GNG4: variants seen among roughly 807,000 people sequenced by gnomAD.
GNG4 encodes the protein guanine nucleotide-binding protein G(I)/G(S)/G(O) subunit gamma-4.
GNG4 carries 4 observed loss-of-function variants against 5.8 expected under a neutral mutation model. The ratio of observed to expected loss-of-function variants is 0.69; its 90% CI spans 0.34 to 1.57. The LOEUF (loss-of-function observed/expected upper bound fraction) is 1.57. Ranked by LOEUF, GNG4 falls within the 40% of genes most tolerant of loss-of-function variation. GNG4 has a pLI of 0.06. For synonymous variants in GNG4, 29 were observed against 32.9 expected, an observed-to-expected ratio of 0.88 and a Z score of 0.41; for missense variants, 96 against 95.1, an observed-to-expected ratio of 1.01 and a Z score of -0.04.
chr1:235,591,218 T>A (rs2841893), intron 2 of GNG4, among the ~76,000 whole-genome samples: 189 of 151,922 alleles, frequency 1.2e-3, no homozygotes, highest in Middle Eastern at 6.8e-3. Flanking sequence ...CCACTGCTCC[T>A]GGCTCATTAC....
chr1:235,619,311 C>A (rs1161387717), intron 1 of GNG4, among the ~76,000 whole-genome samples: 1 of 151,434 alleles, frequency 6.6e-6, no homozygotes, highest in Non-Finnish European at 1.5e-5. Flanking sequence ...GTGGGAGGAT[C>A]ACTTGATCCT....
Position 235,583,728 on chromosome 1 carries a change from A to G in GNG4, c.99+12T>C, listed in dbSNP as rs758970666. Reference sequence around the variant, plus strand: ...TTCGGGCGGAGGGTGGGGCTGACGCATGCATGCTTACCTTGACCCTGTCCA... The same window carrying G: ...TTCGGGCGGAGGGTGGGGCTGACGCGTGCATGCTTACCTTGACCCTGTCCA... On this transcript the variant is annotated intron_variant, in intron 3 of 3. Coordinates refer to ENST00000391854, the MANE Select transcript of GNG4 (RefSeq NM_001098722.2). 1.3e-6 allele frequency: 2 copies of G among 1,565,734 alleles called. No homozygotes were observed. Among genetic ancestry groups the G allele is most frequent in the Non-Finnish European group, 1.8e-6 (2 of 1,136,716 alleles).
In GNG4 at chr1:235,592,220, C is replaced by A. The variant is rs894877661; in HGVS notation, c.-11+3180G>T. Among the ~76,000 whole-genome samples, 11 of 152,222 alleles carry A rather than the reference C, an allele frequency of 7.2e-5. No individual in the cohort carries two copies. In the South Asian group the frequency reaches 2.1e-3, roughly 29 times the overall value. ...TGCTGCTTTTGGTTCTAAATTTCTT[C>A]CTGGGCCGGGTACAGTGACTCACAC... is the stretch of plus-strand genomic sequence containing the variant. On this transcript the variant is annotated intron_variant, in intron 2 of 3. Coordinates refer to ENST00000391854, the MANE Select transcript of GNG4 (RefSeq NM_001098722.2).
At chr1:235,604,229 G>A (rs1688311257) in intron 1 of GNG4, among the ~76,000 whole-genome samples, 1 of 152,224 alleles carries the variant, frequency 6.6e-6, no homozygotes, top group African/African-American at 2.4e-5. Flanking sequence ...TGTTTGTACA[G>A]TCTATAAACC....
intron 2 of GNG4, among the ~76,000 whole-genome samples, chr1:235,593,247 C>T (rs1276231754): frequency 6.6e-6 from 1 of 152,220 alleles, no homozygotes; most frequent in Admixed American, 6.5e-5. Context: ...TGCATCCGAC[C>T]ATGCTCTGTA....
chr1:235,581,551 C>A (rs891043668), intron 3 of GNG4, among the ~76,000 whole-genome samples: 10 of 151,920 alleles, frequency 6.6e-5, no homozygotes, highest in African/African-American at 2.2e-4. Flanking sequence ...ATCGCCTCCC[C>A]CTTCTCTCTC....
Position 235,551,429 on chromosome 1 carries a change from G to A in GNG4, c.*680C>T, listed in dbSNP as rs1160504248. The A allele has an allele frequency of 6.6e-6, 1 of 152,390 alleles. No individual in the cohort carries two copies. Among genetic ancestry groups the A allele is most frequent in the Non-Finnish European group, 1.5e-5 (1 of 68,206 alleles). 9.4% of individuals were successfully genotyped at this position (152,390 alleles called of 1,614,324 possible). A position where few individuals can be genotyped will look rare whatever the true frequency, so the allele number is the denominator to read the frequency against. On this transcript the variant is annotated 3_prime_UTR_variant, in exon 4 of 4. Coordinates refer to ENST00000391854, the MANE Select transcript of GNG4 (RefSeq NM_001098722.2). ...GTGGTGGCGCGTGCCTATGATCCCA[G>A]CTACTCAGGAGGCTGAGGCAGGAGA...
Position 235,616,468 on chromosome 1 carries a change from G to A in GNG4, c.-122-20957C>T, listed in dbSNP as rs114239880. 2.0e-3 allele frequency: 475 copies of A among 232,380 alleles called. 4 individuals are homozygous for A. The highest frequency in any genetic ancestry group is 0.01 in the African/African-American group (443 of 42,932). 14.4% of individuals were successfully genotyped at this position (232,380 alleles called of 1,614,324 possible). ...TGCCCGATCCCTGGCCTGAGGACTCGCCATCCACAAAGCACCGTGGAAGAG... is the reference window on the plus strand; with the variant it reads ...TGCCCGATCCCTGGCCTGAGGACTCACCATCCACAAAGCACCGTGGAAGAG... On this transcript the variant is annotated intron_variant, in intron 1 of 3. Coordinates refer to ENST00000391854, the MANE Select transcript of GNG4 (RefSeq NM_001098722.2).
rs901890351 is a variant in GNG4, at chr1:235,573,573, C to G, written c.99+10167G>C. The stretch of plus-strand genomic sequence containing the variant: ...TGGGCGGATCACGAAGTCAGGAGAT[C>G]GAGACCATCCTGGGTAACACAGTGA... On this transcript the variant is annotated intron_variant, in intron 3 of 3. Transcript: ENST00000391854. Among the ~76,000 whole-genome samples the G allele has an allele frequency of 6.6e-5, 10 of 152,066 alleles. No individual in the cohort carries two copies. In the South Asian group the frequency reaches 1.0e-3, roughly 16 times the overall value.
In GNG4 at chr1:235,596,541, TTA is replaced by T. The variant is rs576557778; in HGVS notation, c.-122-1032_-122-1031del. Among the ~76,000 whole-genome samples the T allele has an allele frequency of 2.0e-5, 3 of 152,202 alleles. No individual in the cohort carries two copies. In the East Asian group the frequency reaches 5.8e-4, roughly 29 times the overall value. On this transcript the variant is annotated intron_variant, in intron 1 of 3. Transcript: ENST00000391854. ...ACAAAACAAAACAAAAAAACACCTATTATCAAAAAATGTGCAGATAAAGATAA... is the reference window on the plus strand; with the variant it reads ...ACAAAACAAAACAAAAAAACACCTATTCAAAAAATGTGCAGATAAAGATAA...
intron 1 of GNG4, among the ~76,000 whole-genome samples, chr1:235,628,764 G>A (rs951108640): frequency 6.6e-5 from 10 of 152,274 alleles, no homozygotes; most frequent in Admixed American, 2.6e-4. Context: ...ACTTTGATCC[G>A]CAGGTGCTAG....
chr1:235,632,234 A>G (rs1688946620), intron 1 of GNG4, among the ~76,000 whole-genome samples: 1 of 152,080 alleles, frequency 6.6e-6, no homozygotes, highest in Non-Finnish European at 1.5e-5. Flanking sequence ...TTACAGGCAC[A>G]CACCACCATG....
At position 235,550,998 on chromosome 1, in the gene GNG4, C is replaced by T. The variant is rs1239664367; in HGVS notation, c.*1111G>A. 6.6e-6 allele frequency: 1 copy of T among 152,194 alleles called. No individual in the cohort carries two copies. Among genetic ancestry groups the T allele is most frequent in the Non-Finnish European group, 1.5e-5 (1 of 68,108 alleles). The allele number at this position is 152,194 out of a possible 1,614,324, so 9.4% of individuals were successfully genotyped here. Reference sequence around the variant, plus strand: ...CCCAGTGCTGTGTCCAGAACAGGTCCTTATATTACTGCAGCCCACAATGGA... The same window carrying T: ...CCCAGTGCTGTGTCCAGAACAGGTCTTTATATTACTGCAGCCCACAATGGA... On this transcript the variant is annotated 3_prime_UTR_variant, in exon 4 of 4. Coordinates refer to ENST00000391854, the MANE Select transcript of GNG4 (RefSeq NM_001098722.2).
chr1:235,645,113 T>TGGCCTCC (rs1429841859), intron 1 of GNG4, among the ~76,000 whole-genome samples: 5 of 152,202 alleles, frequency 3.3e-5, no homozygotes, highest in Admixed American at 2.6e-4. Context: ...CTCTGGCCTC[T>TGGCCTCC]GGCCTCCAAG....
At chr1:235,608,229 C>T (rs1258487794) in intron 1 of GNG4, among the ~76,000 whole-genome samples, 1 of 152,088 alleles carries the variant, frequency 6.6e-6, no homozygotes, top group Non-Finnish European at 1.5e-5. Flanking sequence ...AGCCACTGCA[C>T]CTGGCCAGGA....
chr1:235,570,290 A>G (rs1474350083), intron 3 of GNG4, among the ~76,000 whole-genome samples: 1 of 151,742 alleles, frequency 6.6e-6, no homozygotes, highest in East Asian at 1.9e-4. Flanking sequence ...GGCTTTCCAC[A>G]GCATGTGTGC....
intron 3 of GNG4, among the ~76,000 whole-genome samples, chr1:235,578,292 G>A (rs1687535383): frequency 6.6e-6 from 1 of 152,210 alleles, no homozygotes; most frequent in African/African-American, 2.4e-5. Context: ...GTGTTGCTGA[G>A]TTTGGAGAAA....
chr1:235,626,697 G>T (rs1688817980), intron 1 of GNG4, among the ~76,000 whole-genome samples: 1 of 152,126 alleles, frequency 6.6e-6, no homozygotes. Flanking sequence ...GGTGGCTGAT[G>T]CTTGTGATCC....
Position 235,549,944 on chromosome 1 carries a change from G to A in GNG4, c.*2165C>T, listed in dbSNP as rs1686697239. 1 of 152,184 alleles carries A rather than the reference G, an allele frequency of 6.6e-6. No homozygotes were observed. Among genetic ancestry groups the A allele is most frequent in the African/African-American group, 2.4e-5 (1 of 41,438 alleles). 9.4% of individuals were successfully genotyped at this position (152,184 alleles called of 1,614,324 possible). A position where few individuals can be genotyped will look rare whatever the true frequency, so the allele number is the denominator to read the frequency against. On this transcript the variant is annotated 3_prime_UTR_variant, in exon 4 of 4. Coordinates refer to ENST00000391854, the MANE Select transcript of GNG4 (RefSeq NM_001098722.2). ...ATCTCTGTTTCCTCCCAGACAGAAA[G>A]GCAGGATAATTACCATTAAACCCAA...
Sources: allele counts gnomAD v4.1 joint callset (sites outside exome capture counted in the v4.1 genomes callset), GRCh38; gene constraint gnomAD v4.1.1; transcripts MANE v1.5; gene names NCBI Gene and HGNC (gene_info 2026-07-23, HGNC 2026-07-21).